Variants in PKHD1L1 observed in about 807,000 individuals in gnomAD.
The protein encoded by PKHD1L1 is PKHD1 like 1.
Under a neutral mutation model 462.9 loss-of-function variants are expected in PKHD1L1, and 434 were observed. That is an observed-to-expected ratio of 0.94 (90% CI 0.87 to 1.02). The LOEUF (loss-of-function observed/expected upper bound fraction) is 1.02. PKHD1L1 is among the 50% of genes least tolerant of loss of function. PKHD1L1 has a pLI of 0.00. For missense variants in PKHD1L1, 5,202 were observed against 5,096.1 expected, an observed-to-expected ratio of 1.02 and a Z score of -0.63; for synonymous variants, 1,781 against 1,750.0, an observed-to-expected ratio of 1.02 and a Z score of -0.44.
In PKHD1L1 at chr8:109,535,209, A is replaced by C. The variant is rs1463907261; in HGVS notation, c.*5119A>C. On this transcript the variant is annotated 3_prime_UTR_variant, in exon 78 of 78. Coordinates refer to ENST00000378402, the MANE Select transcript of PKHD1L1 (RefSeq NM_177531.6). The stretch of plus-strand genomic sequence containing the variant: ...TGGGCTCTGTGCCTATGAGCAAAAA[A>C]AAAAAATTCCTTTTGTGCAAGATAT... Among the ~76,000 whole-genome samples, 1 of 152,220 alleles carries C rather than the reference A, an allele frequency of 6.6e-6. No homozygotes were observed. The highest frequency in any genetic ancestry group is 1.5e-5 in the Non-Finnish European group (1 of 68,030).
At position 109,420,659 on chromosome 8, in the gene PKHD1L1, A is replaced by G. The variant is rs746368844; in HGVS notation, c.2666A>G (p.Asn889Ser). 2 of 1,601,302 alleles carry G rather than the reference A, an allele frequency of 1.2e-6. No individual in the cohort carries two copies. The highest frequency in any genetic ancestry group is 1.1e-5 in the South Asian group (1 of 88,376). ...ATGACTTCATACAATTGCAGTTACAATATACCCATGATGGCTGTGAGCTTT... is the reference window on the plus strand; with the variant it reads ...ATGACTTCATACAATTGCAGTTACAGTATACCCATGATGGCTGTGAGCTTT... ...VTMTSYNCSY[N>S]IPMMAVSFGQ... Residue 889 changes from asparagine (N) to serine (S), a missense_variant, in exon 23 of 78, where the codon AAT becomes AGT. Physicochemically the swap from Asn to Ser is conservative, Grantham distance 46 (BLOSUM62 1). Around this residue, in one of 3 missense-constraint regions of PKHD1L1, gnomAD observed 4,497 missense variants for 4,336.8 expected, o/e 1.04. Transcript: ENST00000378402.
At chr8:109,446,534 G>A (rs1408544703) in intron 38 of PKHD1L1, among the ~76,000 whole-genome samples, 3 of 152,078 alleles carry the variant, frequency 2.0e-5, no homozygotes, top group East Asian at 3.9e-4. Context: ...TACATCACAG[G>A]GAAATGTATC....
At chr8:109,426,967 G>T in intron 24 of PKHD1L1, 35 bp from the exon 25 acceptor site, 1 of 1,165,456 alleles carries the variant, frequency 8.6e-7, no homozygotes, top group South Asian at 1.2e-5. Flanking sequence ...TGTGAATTGT[G>T]ACTCCTGCTG....
rs779797087 is a variant in PKHD1L1, at chr8:109,382,577, T to C, written c.417+6T>C. The C allele has an allele frequency of 5.0e-6, 8 of 1,601,014 alleles. No individual in the cohort carries two copies. The highest frequency in any genetic ancestry group is 1.7e-5 in the Admixed American group (1 of 58,510). ...GCTGGGAATGTACCTTCAACGTATGTAGGAATCTTCTCTTCAGTTTATGTA... is the reference window on the plus strand; with the variant it reads ...GCTGGGAATGTACCTTCAACGTATGCAGGAATCTTCTCTTCAGTTTATGTA... On this transcript the variant is annotated splice_donor_region_variant and intron_variant, in intron 4 of 77. Coordinates refer to ENST00000378402, the MANE Select transcript of PKHD1L1 (RefSeq NM_177531.6).
Position 109,445,566 on chromosome 8 carries a change from T to G in PKHD1L1, c.5697T>G (p.Asn1899Lys), listed in dbSNP as rs762366944. The change falls in exon 38 of 78, where the codon AAT becomes AAG. Residue 1899 changes from asparagine to lysine, a missense_variant. Physicochemically the swap from Asn to Lys is moderately conservative, Grantham distance 94. Transcript: ENST00000378402. ...TGMVDVKIFV[N>K]TIAYPPLLFT... is the part of the protein sequence containing the mutation. Reference sequence around the variant, plus strand: ...TGGTCGATGTTAAAATCTTTGTTAATACAATTGCTTATCCACCTTTGCTTT... The same window carrying G: ...TGGTCGATGTTAAAATCTTTGTTAAGACAATTGCTTATCCACCTTTGCTTT... 3.1e-6 allele frequency: 5 copies of G among 1,611,844 alleles called. No homozygotes were observed. The highest frequency in any genetic ancestry group is 4.2e-6 in the Non-Finnish European group (5 of 1,178,720).
At chr8:109,425,272 C>G in intron 24 of PKHD1L1, 40 bp downstream of exon 24, 1 of 1,489,678 alleles carries the variant, frequency 6.7e-7, no homozygotes, top group Non-Finnish European at 9.0e-7. Context: ...TATACGCACA[C>G]ACATATGTAT....
Position 109,522,327 on chromosome 8 carries a change from G to A in PKHD1L1, c.12173G>A (p.Gly4058Glu). Residue 4058 changes from glycine to glutamate, a missense_variant, in exon 74 of 78, where the codon GGG becomes GAG. By Grantham distance (98) the Gly-to-Glu change is moderately conservative. Transcript: ENST00000378402. ...CCCCTCCCCAGCCCAAGTGACTCTGGGTGGATTAAGGTAAGAAAATGCAAC... is the reference window on the plus strand; with the variant it reads ...CCCCTCCCCAGCCCAAGTGACTCTGAGTGGATTAAGGTAAGAAAATGCAAC... ...TNPLPSPSDS[G>E]WIKVTAQPVE... is the part of the protein sequence containing the mutation. 1 of 1,561,668 alleles carries A rather than the reference G, an allele frequency of 6.4e-7. No homozygotes were observed. The highest frequency in any genetic ancestry group is 8.6e-7 in the Non-Finnish European group (1 of 1,158,952).
chr8:109,526,839 A>G lies in PKHD1L1; in HGVS notation c.12540A>G (p.Arg4180=). 6.3e-7 allele frequency: 1 copy of G among 1,584,606 alleles called. No homozygotes were observed. The highest frequency in any genetic ancestry group is 1.1e-5 in the South Asian group (1 of 87,690). ...ILDNVVGVES[R]TFSLLAESVS... Reference sequence around the variant, plus strand: ...ATAATGTTGTTGGGGTAGAATCCAGAACTTTCAGCCTGCTGGCAGAGTCTG... The same window carrying G: ...ATAATGTTGTTGGGGTAGAATCCAGGACTTTCAGCCTGCTGGCAGAGTCTG... The change falls in exon 77 of 78, where the codon AGA becomes AGG. Residue 4180 remains arginine (R), a synonymous_variant. Coordinates refer to ENST00000378402, the MANE Select transcript of PKHD1L1 (RefSeq NM_177531.6).
At chr8:109,471,941 A>C (rs1563582375) in intron 50 of PKHD1L1, among the ~76,000 whole-genome samples, 1 of 152,204 alleles carries the variant, frequency 6.6e-6, no homozygotes, top group Non-Finnish European at 1.5e-5. Context: ...GGCTGTCCAC[A>C]TACTTAATTT....
At position 109,441,283 on chromosome 8, in the gene PKHD1L1, C is replaced by T; in HGVS notation, c.4108C>T (p.Pro1370Ser). ...AENTVLLGSI[P>S]CNVTSSSENV... ...GTATTTATTCTTTCTAGGGTCCATC[C>T]CTTGCAATGTTACATCATCATCAGA... The change falls in exon 34 of 78, where the codon CCT becomes TCT. Residue 1370 changes from proline (P) to serine (S), a missense_variant. Physicochemically the swap from Pro to Ser is moderately conservative, Grantham distance 74 (BLOSUM62 -1). This residue lies in a region of PKHD1L1 where 4,497 missense variants were observed against 4,336.8 expected (regional missense o/e 1.04). Transcript: ENST00000378402. 7 of 1,565,470 alleles carry T rather than the reference C, an allele frequency of 4.5e-6. No individual in the cohort carries two copies. The highest frequency in any genetic ancestry group is 6.1e-6 in the Non-Finnish European group (7 of 1,149,710).
chr8:109,436,576 G>T, intron 30 of PKHD1L1, 117 bp downstream of exon 30: 1 of 1,466,438 alleles, frequency 6.8e-7, no homozygotes, highest in Non-Finnish European at 9.0e-7. Context: ...GAACTGCAGG[G>T]TTTCTATTAT....
chr8:109,383,576 T>C (rs1812284546), intron 4 of PKHD1L1, among the ~76,000 whole-genome samples: 1 of 149,006 alleles, frequency 6.7e-6, no homozygotes, highest in East Asian at 1.9e-4. Context: ...TAAGATGAAA[T>C]ACTGAAGAAA....
At chr8:109,494,268 C>T (rs563076894) in intron 63 of PKHD1L1, among the ~76,000 whole-genome samples, 61 of 151,362 alleles carry the variant, frequency 4.0e-4, no homozygotes, top group Non-Finnish European at 8.3e-4. Flanking sequence ...GTAGGGAAAG[C>T]GAAACATTTA....
rs763259129 is a variant in PKHD1L1 at position 109,526,948 on chromosome 8, A to G, written c.12649A>G (p.Ser4217Gly). 6.2e-7 allele frequency: 1 copy of G among 1,613,892 alleles called. No individual in the cohort carries two copies. Among genetic ancestry groups the G allele is most frequent in the Admixed American group, 1.7e-5 (1 of 59,986 alleles). ...TGCCCAGATAATGACTGTAGTAATTAGCTGTCTGGTTGGAAGAATGTGGCT... is the reference window on the plus strand; with the variant it reads ...TGCCCAGATAATGACTGTAGTAATTGGCTGTCTGGTTGGAAGAATGTGGCT... ...TYAQIMTVVI[S>G]CLVGRMWLLE... is the part of the protein sequence containing the mutation. Residue 4217 changes from serine (S) to glycine (G), a missense_variant, in exon 77 of 78, where the codon AGC (serine) becomes GGC (glycine). By Grantham distance (56) the Ser-to-Gly change is moderately conservative. This residue lies in a region of PKHD1L1 where 698 missense variants were observed against 736.3 expected (regional missense o/e 0.95). Transcript: ENST00000378402.
intron 22 of PKHD1L1, 107 bp downstream of exon 22, chr8:109,419,367 A>G: frequency 3.9e-6 from 3 of 774,242 alleles, no homozygotes; most frequent in Non-Finnish European, 5.7e-6. Flanking sequence ...ATATCTAAAT[A>G]TTAATGAGTC....
intron 11 of PKHD1L1, among the ~76,000 whole-genome samples, chr8:109,396,750 G>A (rs938709100): frequency 1.3e-5 from 2 of 152,180 alleles, no homozygotes; most frequent in Non-Finnish European, 2.9e-5. Context: ...GAATGTGATT[G>A]TGGGAATCTT....
Position 109,408,320 on chromosome 8 carries a change from A to G in PKHD1L1, c.1971+114A>G, listed in dbSNP as rs201039681. The G allele has an allele frequency of 1.5e-5, 14 of 947,604 alleles. No individual in the cohort carries two copies. In the East Asian group the frequency reaches 3.9e-4, roughly 27 times the overall value. The allele number at this position is 947,604 out of a possible 1,614,324, so 58.7% of individuals were successfully genotyped here. On this transcript the variant is annotated intron_variant, in intron 18 of 77. Transcript: ENST00000378402. ...GTTACTTCAAAAAAAATCACTGCAA[A>G]TTATTTATCACCTGATCAACTCACC...
chr8:109,392,484 T>C (rs1812757863), intron 9 of PKHD1L1, among the ~76,000 whole-genome samples: 1 of 152,080 alleles, frequency 6.6e-6, no homozygotes, highest in Non-Finnish European at 1.5e-5. Flanking sequence ...ACTCAATTTA[T>C]AATTCCACCC....
At chr8:109,482,947 C>T in intron 56 of PKHD1L1, 40 bp from the exon 57 acceptor site, 1 of 1,314,964 alleles carries the variant, frequency 7.6e-7, no homozygotes, top group Non-Finnish European at 1.1e-6. Flanking sequence ...TAACTCAGTA[C>T]TGTGGGGTGA....
Sources: gnomAD v4.1 joint callset for allele counts (sites outside exome capture counted in the v4.1 genomes callset) on GRCh38, gnomAD v4.1.1 for gene constraint, gnomAD v4.1.1 regional missense constraint, MANE v1.5 for transcripts, NCBI Gene and HGNC (gene_info 2026-07-23, HGNC 2026-07-21) for gene names.